Variants in DMD observed in about 807,000 individuals in gnomAD.
DMD encodes the protein dystrophin, also known as mutant dystrophin.
Under a neutral mutation model 330.1 loss-of-function variants are expected in DMD, and 63 were observed. The ratio of observed to expected loss-of-function variants is 0.19; its 90% CI spans 0.16 to 0.24. The LOEUF is 0.24. DMD is among the 10% of genes least tolerant of loss of function. DMD has a pLI of 1.00. For missense variants in DMD, 3,344 were observed against 2,684.1 expected (o/e 1.25, Z -5.43); for synonymous variants, 1,223 against 959.8 (o/e 1.27, Z -5.07).
intron 64 of DMD, among the ~76,000 whole-genome samples, chrX:31,220,147 C>A: frequency 9.0e-6 from 1 of 111,282 alleles, no homozygotes; most frequent in Non-Finnish European, 1.9e-5. Flanking sequence ...ATTGACATAA[C>A]AACAAAGTTG....
Position 32,783,253 on chromosome X carries a change from C to T in DMD, c.649+26240G>A, listed in dbSNP as rs1183557120. 1.1e-4 allele frequency among the ~76,000 whole-genome samples: 11 copies of T among 97,180 alleles called. No homozygotes were observed. In the East Asian group the frequency reaches 1.9e-3, roughly 17 times the overall value. The allele number at this position is 97,180 out of a possible 115,157, so 84.4% of individuals were successfully genotyped here. The stretch of plus-strand genomic sequence containing the variant: ...ACGTATATACACATATGTGTATATA[C>T]GTATATACACATATATGGTATATAT... On this transcript the variant is annotated intron_variant, in intron 7 of 78. Coordinates refer to ENST00000357033, the MANE Select transcript of DMD (RefSeq NM_004006.3).
Position 33,009,678 on chromosome X carries a change from A to ATG in DMD, c.93+10459_93+10460dup, listed in dbSNP as rs1159627770. On this transcript the variant is annotated intron_variant, in intron 2 of 78. Transcript: ENST00000357033. Reference sequence around the variant, plus strand: ...TATACGTGTATATGTGTATACGTATATGTGTATATGCACATATGTGTGTAT... The same window carrying ATG: ...TATACGTGTATATGTGTATACGTATATGTGTGTATATGCACATATGTGTGTAT... Among the ~76,000 whole-genome samples the ATG allele has an allele frequency of 1.6e-4, 8 of 50,960 alleles. 1 individual carries two copies. Among genetic ancestry groups the ATG allele is most frequent in the African/African-American group, 2.2e-4 (4 of 17,967 alleles). 44.3% of individuals were successfully genotyped at this position (50,960 alleles called of 115,157 possible).
chrX:32,514,591 C>G (rs754828717), intron 18 of DMD, among the ~76,000 whole-genome samples: 1 of 111,582 alleles, frequency 9.0e-6, no homozygotes, highest in African/African-American at 3.3e-5. Context: ...AATACAAAAA[C>G]TTAGCCGGGT....
At chrX:31,958,188 C>A (rs1326857978) in intron 45 of DMD, among the ~76,000 whole-genome samples, 1 of 101,803 alleles carries the variant, frequency 9.8e-6, no homozygotes, top group African/African-American at 3.6e-5. Context: ...AATGCAATAA[C>A]CTTAAAGGGA....
intron 74 of DMD, among the ~76,000 whole-genome samples, chrX:31,168,309 C>G (rs1196469578): frequency 9.0e-6 from 1 of 111,448 alleles, no homozygotes; most frequent in African/African-American, 3.3e-5. Context: ...TTTTTTTCTA[C>G]ATGCAGAAAT....
chrX:31,121,955 C>A (rs2032661138), intron 78 of DMD, 25 bp from the exon 79 acceptor site: 2 of 1,097,466 alleles, frequency 1.8e-6, no homozygotes, highest in African/African-American at 1.8e-5. Context: ...GAAAGAAAGA[C>A]AGACTTTACA....
chrX:32,798,734 T>C (rs1246096502), intron 7 of DMD, among the ~76,000 whole-genome samples: 2 of 111,892 alleles, frequency 1.8e-5, no homozygotes, highest in Non-Finnish European at 3.8e-5. Flanking sequence ...GGAACACCTA[T>C]AATATTGCAA....
intron 44 of DMD, among the ~76,000 whole-genome samples, chrX:32,176,324 C>T (rs2685907): frequency 0.25 from 27,584 of 110,961 alleles, 2,690 homozygotes; most frequent in Admixed American, 0.36. Flanking sequence ...CTTCCTTGTA[C>T]GTAGTGTGCA....
At chrX:32,430,259 C>T (rs890420737) in intron 29 of DMD, among the ~76,000 whole-genome samples, 8 of 111,848 alleles carry the variant, frequency 7.2e-5, no homozygotes, top group Non-Finnish European at 1.3e-4. Context: ...TCTGCACTTT[C>T]ACTGTGATAT....
intron 49 of DMD, among the ~76,000 whole-genome samples, chrX:31,824,303 G>T (rs2092842156): frequency 1.8e-5 from 2 of 110,040 alleles, no homozygotes; most frequent in South Asian, 7.7e-4. Flanking sequence ...CACTGTTGTT[G>T]CCCTGGCTGG....
intron 1 of DMD, among the ~76,000 whole-genome samples, chrX:33,035,748 C>T (rs1215298553): frequency 9.0e-6 from 1 of 111,704 alleles, no homozygotes; most frequent in Non-Finnish European, 1.9e-5. Context: ...ATATAAAAAA[C>T]ATCATGCCAT....
rs764326412 is a variant in DMD at position 31,950,245 on chromosome X, T to C, written c.6615-18018A>G. On this transcript the variant is annotated intron_variant, in intron 45 of 78. Coordinates refer to ENST00000357033, the MANE Select transcript of DMD (RefSeq NM_004006.3). The stretch of plus-strand genomic sequence containing the variant: ...TTTTATAATTTCCTATGTGATTTAG[T>C]TTTTAACCAATGGATTTAGAAGTTG... 3.6e-5 allele frequency among the ~76,000 whole-genome samples: 4 copies of C among 111,772 alleles called. 1 individual carries two copies. Among genetic ancestry groups the C allele is most frequent in the Non-Finnish European group, 7.6e-5 (4 of 52,904 alleles).
At chrX:31,219,049 A>T (rs2045698219) in intron 64 of DMD, among the ~76,000 whole-genome samples, 1 of 111,377 alleles carries the variant, frequency 9.0e-6, no homozygotes, top group African/African-American at 3.3e-5. Context: ...TTCCACCTTC[A>T]AAATAATGTT....
chrX:33,268,734 C>G (rs1341800831), intron 1 of DMD, among the ~76,000 whole-genome samples: 2 of 110,242 alleles, frequency 1.8e-5, no homozygotes, highest in Non-Finnish European at 3.8e-5. Flanking sequence ...CAAGACCAGA[C>G]TGGCCAAAAT....
chrX:33,229,128 T>C (rs1328181332), intron 1 of DMD, among the ~76,000 whole-genome samples: 1 of 111,267 alleles, frequency 9.0e-6, no homozygotes, highest in East Asian at 2.8e-4. Context: ...TTGCAACTGA[T>C]ATGCAAATAT....
At chrX:32,788,200 G>C (rs1031990671) in intron 7 of DMD, among the ~76,000 whole-genome samples, 1 of 111,949 alleles carries the variant, frequency 8.9e-6, no homozygotes, top group Non-Finnish European at 1.9e-5. Context: ...TAAGAGTTAA[G>C]ATAATAGTAG....
At chrX:32,075,123 A>G (rs955243542) in intron 44 of DMD, among the ~76,000 whole-genome samples, 4 of 111,954 alleles carry the variant, frequency 3.6e-5, no homozygotes, top group Admixed American at 1.9e-4. Context: ...TTCCAGAGAG[A>G]AGTTAATGTT....
chrX:31,714,356 G>A (rs887379243), intron 52 of DMD, among the ~76,000 whole-genome samples: 2 of 111,782 alleles, frequency 1.8e-5, no homozygotes, highest in Non-Finnish European at 3.8e-5. Flanking sequence ...TTAGCACAGT[G>A]CACTGATATA....
chrX:31,278,027 A>AAAAAG (rs1556422126), intron 62 of DMD, among the ~76,000 whole-genome samples: 2 of 104,839 alleles, frequency 1.9e-5, no homozygotes, highest in African/African-American at 7.0e-5. Flanking sequence ...AAAAAAAAAA[A>AAAAAG]AAAATATGAA....
Sources: allele counts gnomAD v4.1 joint callset (sites outside exome capture counted in the v4.1 genomes callset), GRCh38; gene constraint gnomAD v4.1.1; transcripts MANE v1.5; gene names NCBI Gene and HGNC (gene_info 2026-07-23, HGNC 2026-07-21).